ITPR2: variants seen among roughly 807,000 people sequenced by gnomAD.
ITPR2 encodes inositol 1,4,5-trisphosphate-gated calcium channel ITPR2.
ITPR2 carries 207 observed loss-of-function variants against 317.1 expected under a neutral mutation model. The ratio of observed to expected loss-of-function variants is 0.65; its 90% confidence interval spans 0.58 to 0.73. ITPR2 has a LOEUF of 0.73. Among genes scored for constraint, ITPR2 ranks in the 30% least tolerant of loss-of-function variants. The probability of loss-of-function intolerance (pLI) is 0.00; values close to 1 mark genes in which losing one functional copy is unlikely to be tolerated. For synonymous variants in ITPR2, 1,156 were observed against 1,149.1 expected (o/e 1.01, Z -0.12); for missense variants, 2,613 against 3,284.0 (o/e 0.80, Z 4.99).
At chr12:26,444,748 A>AAAT (rs10624046) in intron 45 of ITPR2, among the ~76,000 whole-genome samples, 134,102 of 151,836 alleles carry the variant, frequency 0.88, 59,295 homozygotes, top group South Asian at 0.9. Context: ...GATGAATTTT[A>AAAT]AATAATTCAG....
intron 37 of ITPR2, among the ~76,000 whole-genome samples, chr12:26,540,447 T>C (rs1309272621): frequency 6.6e-6 from 1 of 152,056 alleles, no homozygotes; most frequent in Admixed American, 6.5e-5. Context: ...TCTCTTCTCC[T>C]TTTTTTTCTT....
intron 5 of ITPR2, among the ~76,000 whole-genome samples, chr12:26,720,879 G>A (rs2137041539): frequency 6.6e-6 from 1 of 152,298 alleles, no homozygotes; most frequent in Admixed American, 6.5e-5. Flanking sequence ...AAGCAGATAG[G>A]ATGAATTAAT....
chr12:26,796,185 A>G (rs1053485618), intron 1 of ITPR2, among the ~76,000 whole-genome samples: 3 of 152,236 alleles, frequency 2.0e-5, no homozygotes, highest in Admixed American at 2.0e-4. Flanking sequence ...TACTAATGGC[A>G]TCCCTTAACA....
intron 48 of ITPR2, among the ~76,000 whole-genome samples, chr12:26,430,388 C>T (rs10842730): frequency 0.16 from 24,249 of 152,128 alleles, 2,536 homozygotes; most frequent in East Asian, 0.37. Context: ...CTCAGCCTCC[C>T]GAGTAGCTGT....
Position 26,793,917 on chromosome 12 carries a change from C to T in ITPR2, c.93-3690G>A, listed in dbSNP as rs1160629630. On this transcript the variant is annotated intron_variant, in intron 1 of 56. Transcript: ENST00000381340. ...ATATCTCAGGTAGCACCTTTCAATC[C>T]AATCCATCAGTGCACATCTTAATGG... 4.6e-5 allele frequency among the ~76,000 whole-genome samples: 7 copies of T among 152,254 alleles called. No individual in the cohort carries two copies. In the South Asian group the frequency reaches 8.3e-4, roughly 18 times the overall value.
intron 55 of ITPR2, among the ~76,000 whole-genome samples, chr12:26,349,732 C>G (rs970561263): frequency 6.6e-6 from 1 of 152,238 alleles, no homozygotes; most frequent in South Asian, 2.1e-4. Flanking sequence ...GTGTTCCTGC[C>G]TGGCCCCTTT....
intron 23 of ITPR2, among the ~76,000 whole-genome samples, chr12:26,625,456 T>C (rs917151464): frequency 1.3e-5 from 2 of 151,928 alleles, no homozygotes; most frequent in Non-Finnish European, 2.9e-5. Flanking sequence ...AATATATACA[T>C]CAACTATGTA....
Position 26,580,099 on chromosome 12 carries a change from AAC to A in ITPR2, c.4435_4436del (p.Val1479TyrfsTer2). On this transcript the variant is annotated frameshift_variant, in exon 33 of 57. Coordinates refer to ENST00000381340, the MANE Select transcript of ITPR2 (RefSeq NM_002223.4). LOFTEE classifies it high-confidence loss of function. The part of the protein sequence containing the change: ...KHADIFLEKC[V>X]TESIMNIVSG... ...TCACAATATTCATTATTGACTCAGT[AAC>A]ACACTTTTCCAAAAAGATGTCTGCA... The A allele has an allele frequency of 6.2e-7, 1 of 1,612,024 alleles. No homozygotes were observed. The highest frequency in any genetic ancestry group is 8.5e-7 in the Non-Finnish European group (1 of 1,178,266).
chr12:26,665,912 G>A lies in ITPR2; in HGVS notation c.1549C>T (p.Gln517Ter). 1 of 1,608,324 alleles carries A rather than the reference G, an allele frequency of 6.2e-7. No homozygotes were observed. Among genetic ancestry groups the A allele is most frequent in the Non-Finnish European group, 8.5e-7 (1 of 1,178,494 alleles). ...ATTTAGTACATGAAAAAATTCACCTGTGCCAGTATGTTTTGTTCCCTCATC... is the reference window on the plus strand; with the variant it reads ...ATTTAGTACATGAAAAAATTCACCTATGCCAGTATGTTTTGTTCCCTCATC... Reference protein sequence around the residue: ...KLMREQNILAQVFGILKAPFK... With the variant: ...KLMREQNILA Residue 517 changes from glutamine to a stop codon, truncating the protein, a stop_gained and splice_region_variant, in exon 14 of 57, where the codon CAG becomes TAG. Transcript: ENST00000381340. LOFTEE classifies it high-confidence loss of function.
chr12:26,772,961 G>A (rs980876988), intron 2 of ITPR2, among the ~76,000 whole-genome samples: 2 of 151,852 alleles, frequency 1.3e-5, no homozygotes, highest in African/African-American at 2.4e-5. Flanking sequence ...GTGTCCATGT[G>A]TTCTCATTGT....
At position 26,481,153 on chromosome 12, in the gene ITPR2, AT is replaced by A. The variant is rs780709803; in HGVS notation, c.6100del (p.Met2034TrpfsTer7). On this transcript the variant is annotated frameshift_variant, in exon 43 of 57. Transcript: ENST00000381340. LOFTEE classifies it high-confidence loss of function. Reference protein sequence around the residue: ...NDINPLGKYRMDLVLQLKNNA... With the variant: ...NDINPLGKYRXDLVLQLKNNA... ...TACCTTTAGCTGGAGCACCAGGTCC[AT>A]TCGGTATTTACCAAGAGGGTTTATG... 2 of 1,610,980 alleles carry A rather than the reference AT, an allele frequency of 1.2e-6. No individual in the cohort carries two copies. The highest frequency in any genetic ancestry group is 1.7e-5 in the Admixed American group (1 of 60,020).
intron 1 of ITPR2, among the ~76,000 whole-genome samples, chr12:26,801,684 C>A (rs534765331): frequency 1.4e-4 from 22 of 152,130 alleles, no homozygotes; most frequent in Non-Finnish European, 3.1e-4. Context: ...TTTTAAGATA[C>A]CCCTAGTTTT....
chr12:26,682,497 T>A (rs1948053213), intron 12 of ITPR2, 77 bp downstream of exon 12: 1 of 815,404 alleles, frequency 1.2e-6, no homozygotes, highest in African/African-American at 2.1e-5. Context: ...AAGGAACATG[T>A]GTCACACAGC....
At chr12:26,360,801 T>G (rs1938801024) in intron 55 of ITPR2, among the ~76,000 whole-genome samples, 1 of 152,236 alleles carries the variant, frequency 6.6e-6, no homozygotes. Flanking sequence ...AAGATGTTAA[T>G]GTAGTTTGAT....
chr12:26,585,647 C>A (rs972748401), intron 32 of ITPR2, among the ~76,000 whole-genome samples: 1 of 152,156 alleles, frequency 6.6e-6, no homozygotes, highest in Admixed American at 6.5e-5. Flanking sequence ...TCAAGCAATC[C>A]GGCTGCCTCA....
At chr12:26,681,466 A>C (rs990084831) in intron 13 of ITPR2, among the ~76,000 whole-genome samples, 1 of 152,052 alleles carries the variant, frequency 6.6e-6, no homozygotes, top group African/African-American at 2.4e-5. Flanking sequence ...ATATCTGTTT[A>C]TTTTGTGGTA....
intron 37 of ITPR2, among the ~76,000 whole-genome samples, chr12:26,512,184 TAAAA>T (rs55699727): frequency 0.58 from 78,928 of 136,166 alleles, 24,516 homozygotes; most frequent in Non-Finnish European, 0.74. Flanking sequence ...GCTACAAAGA[TAAAA>T]AAAAAAAAAA....
At chr12:26,580,892 T>C (rs980383444) in intron 32 of ITPR2, among the ~76,000 whole-genome samples, 24 of 152,076 alleles carry the variant, frequency 1.6e-4, no homozygotes, top group South Asian at 2.1e-4. Flanking sequence ...CATGAACAAA[T>C]TGCAAAAGCT....
At chr12:26,765,426 G>A (rs755756872) in intron 2 of ITPR2, among the ~76,000 whole-genome samples, 10 of 152,034 alleles carry the variant, frequency 6.6e-5, no homozygotes, top group Non-Finnish European at 1.5e-4. Context: ...TCATCTGACA[G>A]CTCTCTAGAA....
Sources: gnomAD v4.1 joint callset for allele counts (sites outside exome capture counted in the v4.1 genomes callset) on GRCh38, gnomAD v4.1.1 for gene constraint, MANE v1.5 for transcripts, NCBI Gene and HGNC (gene_info 2026-07-23, HGNC 2026-07-21) for gene names.